Variants in KCNJ12 observed in about 807,000 individuals in gnomAD.
KCNJ12 encodes the protein potassium inwardly rectifying channel subfamily J member 12.
A neutral mutation model predicts 22.3 loss-of-function variants in KCNJ12; 2 were observed. The ratio of observed to expected loss-of-function variants is 0.09; its 90% CI spans 0.04 to 0.28. The LOEUF (loss-of-function observed/expected upper bound fraction) is 0.28, where lower values mean the gene tolerates loss of function less well. Among genes scored for constraint, KCNJ12 ranks in the 10% least tolerant of loss-of-function variants. The pLI is 1.00. For missense variants in KCNJ12, 155 were observed against 633.3 expected, an observed-to-expected ratio of 0.24 and a Z score of 8.11; for synonymous variants, 117 against 261.4, an observed-to-expected ratio of 0.45 and a Z score of 5.33.
chr17:21,383,206 G>A (rs568973212), intron 1 of KCNJ12, among the ~76,000 whole-genome samples: 10 of 152,324 alleles, frequency 6.6e-5, no homozygotes, highest in South Asian at 2.1e-4. Flanking sequence ...TGCCCGCCCC[G>A]CTTGCTCCAG....
Position 21,415,240 on chromosome 17 carries a change from G to C in KCNJ12, c.-56-47G>C, listed in dbSNP as rs112854769. Reference sequence around the variant, plus strand: ...GGGGCCCTGGGATGGGGGTAGAGGAGCCCGGAGCCACCAGCCCAGCCAGAC... The same window carrying C: ...GGGGCCCTGGGATGGGGGTAGAGGACCCCGGAGCCACCAGCCCAGCCAGAC... On this transcript the variant is annotated intron_variant, in intron 2 of 2. Transcript: ENST00000583088. 1.8e-4 allele frequency: 260 copies of C among 1,427,718 alleles called. No homozygotes were observed. The African/African-American group carries it at 3.2e-3, about 18-fold the overall frequency. The allele number at this position is 1,427,718 out of a possible 1,614,324, so 88.4% of individuals were successfully genotyped here.
At chr17:21,400,163 C>A (rs1176936619) in intron 1 of KCNJ12, among the ~76,000 whole-genome samples, 1 of 152,172 alleles carries the variant, frequency 6.6e-6, no homozygotes, top group Non-Finnish European at 1.5e-5. Context: ...TTCCCTGTGG[C>A]CTGAAGGGCT....
At chr17:21,387,635 G>C (rs1246622279) in intron 1 of KCNJ12, among the ~76,000 whole-genome samples, 1 of 152,058 alleles carries the variant, frequency 6.6e-6, no homozygotes, top group Non-Finnish European at 1.5e-5. Context: ...CTGTCGGAGG[G>C]TGTGGGAGAT....
chr17:21,382,738 C>G (rs562666092), intron 1 of KCNJ12, among the ~76,000 whole-genome samples: 1 of 152,248 alleles, frequency 6.6e-6, no homozygotes, highest in Non-Finnish European at 1.5e-5. Flanking sequence ...TGGGCCTCAG[C>G]CAGGTGTGCC....
intron 1 of KCNJ12, among the ~76,000 whole-genome samples, chr17:21,383,068 G>A (rs1904933668): frequency 6.6e-6 from 1 of 152,204 alleles, no homozygotes; most frequent in Non-Finnish European, 1.5e-5. Context: ...GGACTTGGCA[G>A]GGGAGGGGCC....
chr17:21,383,736 C>T (rs537325034), intron 1 of KCNJ12, among the ~76,000 whole-genome samples: 17 of 152,086 alleles, frequency 1.1e-4, no homozygotes, highest in Non-Finnish European at 1.5e-4. Flanking sequence ...CAGGTATTTG[C>T]GTGGTGAGCT....
At chr17:21,408,343 G>A (rs1397815403) in intron 1 of KCNJ12, among the ~76,000 whole-genome samples, 176 bp from the exon 2 acceptor site, 1 of 152,246 alleles carries the variant, frequency 6.6e-6, no homozygotes, top group Non-Finnish European at 1.5e-5. Context: ...CTGGATGGTT[G>A]CTATGCTGTG....
At chr17:21,391,807 C>T (rs1242554692) in intron 1 of KCNJ12, among the ~76,000 whole-genome samples, 21 of 152,200 alleles carry the variant, frequency 1.4e-4, no homozygotes, top group African/African-American at 4.8e-4. Flanking sequence ...GCCTGTGGTC[C>T]CCCCACCCCA....
intron 2 of KCNJ12, among the ~76,000 whole-genome samples, chr17:21,408,880 T>A: frequency 6.6e-6 from 1 of 152,086 alleles, no homozygotes; most frequent in African/African-American, 2.4e-5. Context: ...CAACCATCCA[T>A]CCACCCATCC....
chr17:21,391,621 T>A (rs2142054481), intron 1 of KCNJ12, among the ~76,000 whole-genome samples: 1 of 152,324 alleles, frequency 6.6e-6, no homozygotes, highest in Non-Finnish European at 1.5e-5. Context: ...ACTTCTTCTT[T>A]GGAGGGCAGG....
rs543790374 is a variant in KCNJ12 at position 21,378,194 on chromosome 17, G to A, written c.-179+1281G>A. On this transcript the variant is annotated intron_variant, in intron 1 of 2. Coordinates refer to ENST00000583088, the MANE Select transcript of KCNJ12 (RefSeq NM_021012.5). ...GCGCGGCTGGACCCCAGCCTCCCTC[G>A]CGCTGCGCTGCACCTCCGCGGCCCC... Among the ~76,000 whole-genome samples the A allele has an allele frequency of 3.9e-5, 6 of 152,318 alleles. No homozygotes were observed. The East Asian group carries it at 7.7e-4, about 20-fold the overall frequency.
Position 21,416,693 on chromosome 17 carries a change from C to T in KCNJ12, c.*49C>T, listed in dbSNP as rs782691680. On this transcript the variant is annotated 3_prime_UTR_variant, in exon 3 of 3. Coordinates refer to ENST00000583088, the MANE Select transcript of KCNJ12 (RefSeq NM_021012.5). ...ATCCACCCCCGGCTGGGGAGAGGCC[C>T]CGCGGTCGCTCAGGGGCCCCGGGTT... is the stretch of plus-strand genomic sequence containing the variant. The T allele has an allele frequency of 3.4e-5, 51 of 1,518,088 alleles. No individual in the cohort carries two copies. The East Asian group carries it at 1.2e-3, about 37-fold the overall frequency. The allele number at this position is 1,518,088 out of a possible 1,614,324, so 94.0% of individuals were successfully genotyped here. A position where few individuals can be genotyped will look rare whatever the true frequency, so the allele number is the denominator to read the frequency against.
intron 1 of KCNJ12, among the ~76,000 whole-genome samples, chr17:21,398,418 C>T (rs561702987): frequency 1.6e-4 from 24 of 152,338 alleles, no homozygotes; most frequent in African/African-American, 5.5e-4. Context: ...GCCTGGCAGC[C>T]CCCGTGGCCA....
At chr17:21,383,200 C>T (rs1028041711) in intron 1 of KCNJ12, among the ~76,000 whole-genome samples, 3 of 152,160 alleles carry the variant, frequency 2.0e-5, no homozygotes, top group South Asian at 4.1e-4. Context: ...TGCCCCTGCC[C>T]GCCCCGCTTG....
chr17:21,403,983 G>A, intron 1 of KCNJ12, among the ~76,000 whole-genome samples: 1 of 152,224 alleles, frequency 6.6e-6, no homozygotes, highest in Non-Finnish European at 1.5e-5. Context: ...ATCAAGTCTA[G>A]GCTCATTAAT....
chr17:21,414,372 A>C, intron 2 of KCNJ12, among the ~76,000 whole-genome samples: 1 of 152,242 alleles, frequency 6.6e-6, no homozygotes, highest in Non-Finnish European at 1.5e-5. Flanking sequence ...CTGCTCAGGA[A>C]GCTGAGGCAG....
chr17:21,381,703 C>T (rs1904876042), intron 1 of KCNJ12, among the ~76,000 whole-genome samples: 1 of 152,204 alleles, frequency 6.6e-6, no homozygotes, highest in Non-Finnish European at 1.5e-5. Flanking sequence ...CCCCCATGTT[C>T]CTTTTCCTGC....
At chr17:21,415,086 G>T (rs1301602681) in intron 2 of KCNJ12, among the ~76,000 whole-genome samples, 1 of 152,304 alleles carries the variant, frequency 6.6e-6, no homozygotes, top group Non-Finnish European at 1.5e-5. Flanking sequence ...GAGGTTTTTG[G>T]CTGGAGCTGC....
At chr17:21,411,425 T>G (rs1409590579) in intron 2 of KCNJ12, among the ~76,000 whole-genome samples, 2 of 152,220 alleles carry the variant, frequency 1.3e-5, no homozygotes. Context: ...GCTCTCTCCC[T>G]CCTGGGTTTG....
Sources: allele counts gnomAD v4.1 joint callset (sites outside exome capture counted in the v4.1 genomes callset), GRCh38; gene constraint gnomAD v4.1.1; transcripts MANE v1.5; gene names NCBI Gene and HGNC (gene_info 2026-07-23, HGNC 2026-07-21).